The following A2M variants were observed in gnomAD, a reference collection of about 807,000 sequenced individuals.
The protein encoded by A2M is alpha-2-macroglobulin.
In A2M, 128 loss-of-function variants were observed where a neutral mutation model predicts 183.9. The observed-to-expected ratio is 0.70, with a 90% CI of 0.60 to 0.81. A2M has a LOEUF of 0.81. Ranked by LOEUF, A2M falls within the 30% of genes least tolerant of loss-of-function variation. The pLI is 0.00. For synonymous variants in A2M, 592 were observed against 670.8 expected (o/e 0.88, Z 1.81); for missense variants, 1,495 against 1,787.6 (o/e 0.84, Z 2.95).
chr12:9,093,609 A>G (rs1394271826), intron 17 of A2M, 30 bp from the exon 18 acceptor site: 1 of 1,298,512 alleles, frequency 7.7e-7, no homozygotes, highest in Non-Finnish European at 1.1e-6. Context: ...AGACATTACA[A>G]TAAACATACA....
intron 15 of A2M, among the ~76,000 whole-genome samples, chr12:9,096,560 T>TA (rs1350928865): frequency 6.6e-6 from 1 of 152,246 alleles, no homozygotes; most frequent in African/African-American, 2.4e-5. Context: ...ATATAATACA[T>TA]ACAACTTTAA....
Position 9,093,455 on chromosome 12 carries a change from A to C in A2M, c.2240+10T>G. On this transcript the variant is annotated intron_variant, in intron 18 of 35. Transcript: ENST00000318602. ...ATTGTTGCATATTGCATATGCAGGAAGTTACTTACTTTACCACCACCAAAT... is the reference window on the plus strand; with the variant it reads ...ATTGTTGCATATTGCATATGCAGGACGTTACTTACTTTACCACCACCAAAT... 6.3e-7 allele frequency: 1 copy of C among 1,595,510 alleles called. No homozygotes were observed. The highest frequency in any genetic ancestry group is 2.2e-5 in the East Asian group (1 of 44,792).
chr12:9,095,136 T>C, intron 16 of A2M, 52 bp from the exon 17 acceptor site: 1 of 931,668 alleles, frequency 1.1e-6, no homozygotes, highest in African/African-American at 1.7e-5. Context: ...AAAATATACA[T>C]AGGTAGCTAC....
chr12:9,098,517 A>T, intron 15 of A2M, 90 bp downstream of exon 15: 3 of 1,397,400 alleles, frequency 2.1e-6, no homozygotes, highest in East Asian at 2.6e-5. Context: ...TATAATTTTA[A>T]TTGATCTTAT....
intron 31 of A2M, among the ~76,000 whole-genome samples, chr12:9,070,851 A>G (rs7296138): frequency 0.83 from 125,969 of 150,910 alleles, 52,978 homozygotes; most frequent in Non-Finnish European, 0.88. Flanking sequence ...GGAGTTTTTC[A>G]CTCTTCTTGC....
chr12:9,072,593 T>C (rs1948610358), intron 30 of A2M, 60 bp downstream of exon 30: 2 of 1,597,894 alleles, frequency 1.3e-6, no homozygotes, highest in Non-Finnish European at 1.7e-6. Flanking sequence ...AGTTAGGACT[T>C]CTCAGAGAGA....
chr12:9,115,643 G>A, intron 1 of A2M, 121 bp downstream of exon 1: 1 of 733,202 alleles, frequency 1.4e-6, no homozygotes, highest in Non-Finnish European at 2.3e-6. Flanking sequence ...AAATCTGGAA[G>A]GAATCTTAGA....
chr12:9,093,169 C>T (rs922023356), intron 18 of A2M, among the ~76,000 whole-genome samples: 4 of 152,108 alleles, frequency 2.6e-5, no homozygotes, highest in African/African-American at 9.7e-5. Flanking sequence ...ATCTAAAGTA[C>T]AGCATGAGGA....
intron 2 of A2M, among the ~76,000 whole-genome samples, 162 bp downstream of exon 2, chr12:9,113,198 G>A (rs1283368408): frequency 6.6e-6 from 1 of 150,594 alleles, no homozygotes; most frequent in African/African-American, 2.5e-5. Flanking sequence ...CCCATGGCTG[G>A]AGAGTCATGC....
chr12:9,111,419 C>A, intron 4 of A2M: 1 of 418,422 alleles, frequency 2.4e-6, no homozygotes. Flanking sequence ...AAAGTAGAAG[C>A]TGGGAGACCA....
intron 5 of A2M, 54 bp downstream of exon 5, chr12:9,110,260 T>C: frequency 1.5e-6 from 2 of 1,360,672 alleles, no homozygotes; most frequent in Non-Finnish European, 2.0e-6. Flanking sequence ...AATAAGAACA[T>C]TTTCCCTATA....
At chr12:9,076,491 T>C (rs1303928275) in intron 28 of A2M, among the ~76,000 whole-genome samples, 5 of 152,218 alleles carry the variant, frequency 3.3e-5, no homozygotes, top group Non-Finnish European at 7.3e-5. Context: ...ATGGTCCCAC[T>C]TAAGATTTTT....
rs1948787031 is a variant in A2M at position 9,077,683 on chromosome 12, A to G, written c.3276+18T>C. The G allele has an allele frequency of 6.2e-7, 1 of 1,611,626 alleles. No individual in the cohort carries two copies. Among genetic ancestry groups the G allele is most frequent in the South Asian group, 1.1e-5 (1 of 90,834 alleles). ...ATATCATAATGGACAAATCAAAACT[A>G]GCTCCAGAATGATTCACCTTTATGG... is the stretch of plus-strand genomic sequence containing the variant. On this transcript the variant is annotated intron_variant, in intron 26 of 35. Transcript: ENST00000318602.
rs745747959 is a variant in A2M at position 9,079,305 on chromosome 12, G to A, written c.3058C>T (p.His1020Tyr). The part of the protein sequence containing the change: ...TGYQRQLNYK[H>Y]YDGSYSTFGE... ...AAGGTGCTGTAGGAGCCATCATAGT[G>A]TTTGTAGTTCAACTGTCTCTGGTAA... The change falls in exon 25 of 36, where the codon CAC becomes TAC. Residue 1020 changes from histidine (H) to tyrosine (Y), a missense_variant. Coordinates refer to ENST00000318602, the MANE Select transcript of A2M (RefSeq NM_000014.6). 1 of 1,613,712 alleles carries A rather than the reference G, an allele frequency of 6.2e-7. No homozygotes were observed. The highest frequency in any genetic ancestry group is 1.7e-5 in the Admixed American group (1 of 59,992).
At chr12:9,083,687 CAGA>C (rs1194949268) in intron 22 of A2M, among the ~76,000 whole-genome samples, 21 of 145,656 alleles carry the variant, frequency 1.4e-4, no homozygotes, top group African/African-American at 2.5e-5. Context: ...AAAGAAAGTC[CAGA>C]AGAAGAAGAA....
intron 4 of A2M, among the ~76,000 whole-genome samples, chr12:9,111,313 A>G (rs1938709570): frequency 6.6e-6 from 1 of 152,242 alleles, no homozygotes. Flanking sequence ...TTAAAAATCA[A>G]TACGTATAGA....
intron 34 of A2M, among the ~76,000 whole-genome samples, chr12:9,068,500 G>C (rs1177396912): frequency 6.6e-6 from 1 of 152,124 alleles, no homozygotes; most frequent in Non-Finnish European, 1.5e-5. Flanking sequence ...CCATTTATCT[G>C]ATGAAAAGGG....
intron 18 of A2M, among the ~76,000 whole-genome samples, chr12:9,091,985 C>A (rs1949227249): frequency 6.6e-6 from 1 of 152,172 alleles, no homozygotes; most frequent in Admixed American, 6.5e-5. Context: ...ATTAGCAATG[C>A]GTTTGAAAGA....
intron 11 of A2M, among the ~76,000 whole-genome samples, chr12:9,102,829 T>G (rs1391251087): frequency 1.3e-5 from 2 of 152,212 alleles, no homozygotes; most frequent in South Asian, 2.1e-4. Flanking sequence ...CTTTTTGAAA[T>G]GAGTAAACAT....
Sources: allele counts gnomAD v4.1 joint callset (sites outside exome capture counted in the v4.1 genomes callset), GRCh38; gene constraint gnomAD v4.1.1; transcripts MANE v1.5; gene names NCBI Gene and HGNC (gene_info 2026-07-23, HGNC 2026-07-21).